SUCLG1: variants seen among roughly 807,000 people sequenced by gnomAD.
SUCLG1 encodes the protein succinate--CoA ligase [ADP/GDP-forming] subunit alpha, mitochondrial.
A neutral mutation model predicts 37.3 loss-of-function variants in SUCLG1; 26 were observed. The observed-to-expected ratio is 0.70, with a 90% CI of 0.51 to 0.97. SUCLG1 has a LOEUF of 0.97. SUCLG1 is among the 50% of genes least tolerant of loss of function. SUCLG1 has a pLI of 0.00. For missense variants in SUCLG1, 433 were observed against 432.9 expected (o/e 1.00, Z 0.00); for synonymous variants, 163 against 155.6 (o/e 1.05, Z -0.36).
intron 1 of SUCLG1, among the ~76,000 whole-genome samples, chr2:84,455,850 A>C (rs894449660): frequency 2.6e-5 from 4 of 151,804 alleles, no homozygotes; most frequent in Admixed American, 2.6e-4. Context: ...CAAAAAAAAA[A>C]AAAAAAAATG....
intron 5 of SUCLG1, 101 bp from the exon 6 acceptor site, chr2:84,433,536 T>C (rs1672641354): frequency 5.4e-6 from 5 of 918,916 alleles, no homozygotes; most frequent in Non-Finnish European, 8.8e-6. Context: ...AACATAGGTA[T>C]AAAATTCATT....
chr2:84,455,324 G>A (rs1425244325), intron 1 of SUCLG1, among the ~76,000 whole-genome samples: 2 of 151,932 alleles, frequency 1.3e-5, no homozygotes, highest in Admixed American at 6.5e-5. Flanking sequence ...GAGAAACCCC[G>A]TCTCTACTAA....
At chr2:84,438,057 A>AG (rs1672713669) in intron 5 of SUCLG1, among the ~76,000 whole-genome samples, 1 of 152,310 alleles carries the variant, frequency 6.6e-6, no homozygotes, top group Middle Eastern at 3.4e-3. Context: ...GGAACTGAGA[A>AG]GGGGGTGGAA....
rs574207684 is a variant in SUCLG1, at chr2:84,439,251, A to G, written c.589+1796T>C. Among the ~76,000 whole-genome samples, 8 of 152,022 alleles carry G rather than the reference A, an allele frequency of 5.3e-5. No homozygotes were observed. In the East Asian group the frequency reaches 1.5e-3, roughly 29 times the overall value. On this transcript the variant is annotated intron_variant, in intron 5 of 8. Transcript: ENST00000393868. ...AAGCAGTCTCCCAGACGACTGTCTCATCAATGGGTTATGACCATTCACAAA... is the reference window on the plus strand; with the variant it reads ...AAGCAGTCTCCCAGACGACTGTCTCGTCAATGGGTTATGACCATTCACAAA...
At chr2:84,441,168 A>G (rs539338118) in intron 4 of SUCLG1, 64 bp from the exon 5 acceptor site, 1 of 1,612,732 alleles carries the variant, frequency 6.2e-7, no homozygotes, top group Non-Finnish European at 8.5e-7. Context: ...CATACACACA[A>G]ATACACTCGC....
At chr2:84,427,562 G>C (rs1450613579) in intron 7 of SUCLG1, among the ~76,000 whole-genome samples, 1 of 152,158 alleles carries the variant, frequency 6.6e-6, no homozygotes, top group Non-Finnish European at 1.5e-5. Context: ...AAAGCCTCTA[G>C]GTAGGAGGAA....
chr2:84,447,627 A>G (rs1225333548), intron 2 of SUCLG1, among the ~76,000 whole-genome samples: 1 of 152,216 alleles, frequency 6.6e-6, no homozygotes, highest in African/African-American at 2.4e-5. Flanking sequence ...TATAACATCA[A>G]CTGGGAAGGG....
intron 1 of SUCLG1, among the ~76,000 whole-genome samples, chr2:84,450,383 A>C (rs1297281932): frequency 6.6e-6 from 1 of 151,660 alleles, no homozygotes; most frequent in African/African-American, 2.4e-5. Flanking sequence ...CAAATAGGAA[A>C]GTAGACAAGA....
intron 1 of SUCLG1, among the ~76,000 whole-genome samples, chr2:84,455,840 C>T (rs371911861): frequency 6.5e-4 from 52 of 79,942 alleles, no homozygotes; most frequent in Admixed American, 2.3e-3. Flanking sequence ...CGTCTCAAAA[C>T]AAAAAAAAAA....
chr2:84,454,742 T>C (rs1672993199), intron 1 of SUCLG1, among the ~76,000 whole-genome samples: 2 of 152,234 alleles, frequency 1.3e-5, no homozygotes, highest in African/African-American at 4.8e-5. Context: ...GTCAGCCACA[T>C]ACTGGTCCTC....
At chr2:84,446,210 C>T (rs1672848601) in intron 2 of SUCLG1, among the ~76,000 whole-genome samples, 1 of 152,232 alleles carries the variant, frequency 6.6e-6, no homozygotes, top group Admixed American at 6.5e-5. Context: ...CGGCTTATTT[C>T]TTCCATAGCA....
intron 2 of SUCLG1, among the ~76,000 whole-genome samples, chr2:84,449,447 T>C (rs911521652): frequency 6.6e-6 from 1 of 152,120 alleles, no homozygotes; most frequent in South Asian, 2.1e-4. Flanking sequence ...AATATACTCC[T>C]TTGCAAGGTA....
At chr2:84,441,990 G>A (rs1018467616) in intron 3 of SUCLG1, among the ~76,000 whole-genome samples, 2 of 152,034 alleles carry the variant, frequency 1.3e-5, no homozygotes, top group Non-Finnish European at 2.9e-5. Context: ...ATATTGTGCT[G>A]GGACGTCATA....
chr2:84,425,973 T>C lies in SUCLG1; in HGVS notation c.826-370A>G, dbSNP rs146738318. 7.4e-3 allele frequency: 2,408 copies of C among 323,554 alleles called. 11 individuals carry two copies. The highest frequency in any genetic ancestry group is 0.012 in the Admixed American group (264 of 21,454). The allele number at this position is 323,554 out of a possible 1,614,324, so 20.0% of individuals were successfully genotyped here. A position where few individuals can be genotyped will look rare whatever the true frequency, so the allele number is the denominator to read the frequency against. On this transcript the variant is annotated intron_variant, in intron 7 of 8. Coordinates refer to ENST00000393868, the MANE Select transcript of SUCLG1 (RefSeq NM_003849.4). The stretch of plus-strand genomic sequence containing the variant: ...GTTGCTTTACTTCAACCTAATATTA[T>C]GCCTTAATTCATTATTAGTTCACCC...
chr2:84,437,519 A>C (rs1218997503), intron 5 of SUCLG1, among the ~76,000 whole-genome samples: 1 of 152,260 alleles, frequency 6.6e-6, no homozygotes, highest in African/African-American at 2.4e-5. Flanking sequence ...GAATGGCTAA[A>C]ATAAAAACAC....
intron 2 of SUCLG1, among the ~76,000 whole-genome samples, chr2:84,447,675 A>G (rs1327855453): frequency 6.6e-6 from 1 of 152,210 alleles, no homozygotes; most frequent in African/African-American, 2.4e-5. Flanking sequence ...ATGAAGATCT[A>G]CTTTCCTTAG....
intron 1 of SUCLG1, among the ~76,000 whole-genome samples, chr2:84,450,596 G>A (rs1049816826): frequency 2.0e-5 from 3 of 152,018 alleles, no homozygotes; most frequent in Non-Finnish European, 4.4e-5. Flanking sequence ...ACTTCTCTGT[G>A]GCCCATCCCT....
chr2:84,429,907 A>T (rs1032355366), intron 7 of SUCLG1, among the ~76,000 whole-genome samples: 1 of 152,206 alleles, frequency 6.6e-6, no homozygotes, highest in African/African-American at 2.4e-5. Context: ...ATGAGATGGG[A>T]TGAGGACCCA....
intron 7 of SUCLG1, 70 bp downstream of exon 7, chr2:84,431,438 A>G: frequency 6.3e-7 from 1 of 1,593,420 alleles, no homozygotes; most frequent in Non-Finnish European, 8.6e-7. Context: ...TTGAAAAAAT[A>G]AAAATAACTT....
Sources: gnomAD v4.1 joint callset for allele counts (sites outside exome capture counted in the v4.1 genomes callset) on GRCh38, gnomAD v4.1.1 for gene constraint, MANE v1.5 for transcripts, NCBI Gene and HGNC (gene_info 2026-07-23, HGNC 2026-07-21) for gene names.